The following PTPRM variants were observed in gnomAD, a reference collection of about 807,000 sequenced individuals.
PTPRM encodes the protein receptor-type tyrosine-protein phosphatase mu.
PTPRM carries 47 observed loss-of-function variants against 186.7 expected under a neutral mutation model. The ratio of observed to expected loss-of-function variants is 0.25; its 90% CI spans 0.20 to 0.32. PTPRM has a LOEUF of 0.32. PTPRM is among the 10% of genes least tolerant of loss of function. The pLI is 1.00. For missense variants in PTPRM, 1,494 were observed against 1,865.0 expected, an observed-to-expected ratio of 0.80 and a Z score of 3.66; for synonymous variants, 668 against 674.9, an observed-to-expected ratio of 0.99 and a Z score of 0.16.
intron 2 of PTPRM, among the ~76,000 whole-genome samples, chr18:7,850,023 C>A (rs1467424803): frequency 6.6e-6 from 1 of 152,148 alleles, no homozygotes; most frequent in Non-Finnish European, 1.5e-5. Flanking sequence ...GTAAAACTAT[C>A]CCTGTTTTAC....
chr18:8,051,462 G>A (rs1176918746), intron 7 of PTPRM, among the ~76,000 whole-genome samples: 2 of 152,144 alleles, frequency 1.3e-5, no homozygotes, highest in East Asian at 3.8e-4. Context: ...CAGAACAGAG[G>A]TAGCCAATAT....
chr18:7,836,292 G>T (rs936037389), intron 2 of PTPRM, among the ~76,000 whole-genome samples: 6 of 151,978 alleles, frequency 3.9e-5, no homozygotes, highest in Non-Finnish European at 7.4e-5. Flanking sequence ...TGCCATCAGG[G>T]TTGCAAATAC....
At chr18:7,848,107 C>T (rs965572116) in intron 2 of PTPRM, among the ~76,000 whole-genome samples, 2 of 152,156 alleles carry the variant, frequency 1.3e-5, no homozygotes, top group Non-Finnish European at 2.9e-5. Flanking sequence ...TTGCATTTAC[C>T]TCCTTTTATC....
chr18:7,743,076 G>A (rs1277853185), intron 1 of PTPRM, among the ~76,000 whole-genome samples: 1 of 152,154 alleles, frequency 6.6e-6, no homozygotes, highest in Non-Finnish European at 1.5e-5. Flanking sequence ...AAAGGAGTCT[G>A]GTCTTGGGCT....
At chr18:7,644,162 C>T (rs556631400) in intron 1 of PTPRM, among the ~76,000 whole-genome samples, 1 of 152,072 alleles carries the variant, frequency 6.6e-6, no homozygotes, top group African/African-American at 2.4e-5. Context: ...TTTCTACTTA[C>T]AAAAGGTGCT....
chr18:8,373,259 G>A (rs1333236844), intron 24 of PTPRM, among the ~76,000 whole-genome samples: 1 of 152,214 alleles, frequency 6.6e-6, no homozygotes, highest in Non-Finnish European at 1.5e-5. Context: ...CTGCAATTCT[G>A]ATTCTATTTT....
At chr18:8,313,894 A>G (rs191145917) in intron 20 of PTPRM, among the ~76,000 whole-genome samples, 4 of 152,248 alleles carry the variant, frequency 2.6e-5, no homozygotes, top group Admixed American at 2.6e-4. Context: ...GCTGACACCT[A>G]TAATCCTAGC....
At chr18:7,760,016 G>A (rs1233795768) in intron 1 of PTPRM, among the ~76,000 whole-genome samples, 1 of 152,080 alleles carries the variant, frequency 6.6e-6, no homozygotes, top group African/African-American at 2.4e-5. Context: ...AATCCTAGAT[G>A]CCTTGTCCTG....
chr18:8,196,728 G>T (rs1418867125), intron 14 of PTPRM, among the ~76,000 whole-genome samples: 1 of 152,224 alleles, frequency 6.6e-6, no homozygotes, highest in Admixed American at 6.5e-5. Flanking sequence ...TAAATTGTGT[G>T]TGACGTTGAC....
chr18:7,817,790 G>A (rs2044925158), intron 2 of PTPRM, among the ~76,000 whole-genome samples: 1 of 152,138 alleles, frequency 6.6e-6, no homozygotes, highest in African/African-American at 2.4e-5. Context: ...AGAAGTCTTG[G>A]GATGTGCAGA....
intron 31 of PTPRM, among the ~76,000 whole-genome samples, chr18:8,392,551 C>T (rs1318348841): frequency 2.6e-5 from 4 of 151,788 alleles, no homozygotes; most frequent in Admixed American, 1.3e-4. Context: ...GGCGTGAACC[C>T]AGGAGGCAGA....
At chr18:8,035,044 G>A (rs1478635707) in intron 7 of PTPRM, among the ~76,000 whole-genome samples, 1 of 152,154 alleles carries the variant, frequency 6.6e-6, no homozygotes, top group Non-Finnish European at 1.5e-5. Context: ...GGGCTGTCCA[G>A]CCATTCCCTT....
chr18:7,925,406 T>C (rs2051113598), intron 4 of PTPRM, among the ~76,000 whole-genome samples: 1 of 152,222 alleles, frequency 6.6e-6, no homozygotes, highest in Non-Finnish European at 1.5e-5. Flanking sequence ...CTGTGTGTTT[T>C]TGACATTAAA....
intron 7 of PTPRM, among the ~76,000 whole-genome samples, chr18:7,981,377 A>G (rs1211548234): frequency 1.3e-5 from 2 of 152,182 alleles, no homozygotes; most frequent in Non-Finnish European, 1.5e-5. Flanking sequence ...TGGGCTTTCA[A>G]CAGATATTTT....
At position 7,890,303 on chromosome 18, in the gene PTPRM, G is replaced by C. The variant is rs114745812; in HGVS notation, c.468+1926G>C. 7.8e-3 allele frequency among the ~76,000 whole-genome samples: 1,181 copies of C among 152,230 alleles called. 16 individuals are homozygous for C. The highest frequency in any genetic ancestry group is 0.027 in the African/African-American group (1,118 of 41,542). ...TAGACATAGGGAAGGGAAAGCTAGG[G>C]CTTTCCAGGGCTGCTTGTCTTCAAA... On this transcript the variant is annotated intron_variant, in intron 3 of 32. Coordinates refer to ENST00000580170, the MANE Select transcript of PTPRM (RefSeq NM_001105244.2).
intron 2 of PTPRM, among the ~76,000 whole-genome samples, chr18:7,811,691 G>A (rs1380645254): frequency 6.6e-6 from 1 of 152,098 alleles, no homozygotes; most frequent in Non-Finnish European, 1.5e-5. Context: ...GATGCCAAAG[G>A]GAGGGAGGAT....
intron 6 of PTPRM, among the ~76,000 whole-genome samples, chr18:7,952,068 C>G (rs1250085346): frequency 6.6e-6 from 1 of 152,154 alleles, no homozygotes; most frequent in Non-Finnish European, 1.5e-5. Context: ...CATATAATCT[C>G]CACAATGCAT....
intron 7 of PTPRM, among the ~76,000 whole-genome samples, chr18:8,043,372 A>G (rs1477506316): frequency 6.6e-6 from 1 of 152,094 alleles, no homozygotes; most frequent in Admixed American, 6.5e-5. Flanking sequence ...TGCTGCCCAG[A>G]CAGGCTGTGT....
intron 4 of PTPRM, among the ~76,000 whole-genome samples, chr18:7,915,662 C>G (rs1599479043): frequency 6.6e-6 from 1 of 152,098 alleles, no homozygotes; most frequent in East Asian, 1.9e-4. Flanking sequence ...TAAAAAATCT[C>G]TATTTTACAA....
Sources: gnomAD v4.1 joint callset for allele counts (sites outside exome capture counted in the v4.1 genomes callset) on GRCh38, gnomAD v4.1.1 for gene constraint, MANE v1.5 for transcripts, NCBI Gene and HGNC (gene_info 2026-07-23, HGNC 2026-07-21) for gene names.